JAKMIP2: variants seen among roughly 807,000 people sequenced by gnomAD.
JAKMIP2 encodes janus kinase and microtubule interacting protein 2.
Under a neutral mutation model 115.0 loss-of-function variants are expected in JAKMIP2, and 25 were observed. The ratio of observed to expected loss-of-function variants is 0.22; its 90% confidence interval spans 0.16 to 0.30. The LOEUF (loss-of-function observed/expected upper bound fraction) is 0.30, where lower values mean the gene tolerates loss of function less well. Among genes scored for constraint, JAKMIP2 ranks in the 10% least tolerant of loss-of-function variants. The probability of loss-of-function intolerance (pLI) is 1.00; values close to 1 mark genes in which losing one functional copy is unlikely to be tolerated. For synonymous variants in JAKMIP2, 334 were observed against 343.6 expected (o/e 0.97, Z 0.31); for missense variants, 642 against 957.6 (o/e 0.67, Z 4.35).
chr5:147,628,212 T>C (rs1457090796), intron 16 of JAKMIP2, among the ~76,000 whole-genome samples: 1 of 152,174 alleles, frequency 6.6e-6, no homozygotes, highest in Non-Finnish European at 1.5e-5. Flanking sequence ...TGAGGTACTC[T>C]GAATACACCA....
At chr5:147,615,428 C>T (rs1756522280) in intron 19 of JAKMIP2, among the ~76,000 whole-genome samples, 2 of 151,970 alleles carry the variant, frequency 1.3e-5, no homozygotes, top group African/African-American at 4.8e-5. Context: ...GGATGTTTTG[C>T]ATGAGTGGAG....
intron 1 of JAKMIP2, among the ~76,000 whole-genome samples, chr5:147,720,301 T>G (rs1242513963): frequency 6.6e-6 from 1 of 151,470 alleles, no homozygotes; most frequent in Non-Finnish European, 1.5e-5. Context: ...TCATTTCAAC[T>G]TTGGTGAATC....
chr5:147,762,207 T>A (rs890092155), intron 1 of JAKMIP2, among the ~76,000 whole-genome samples: 2 of 152,138 alleles, frequency 1.3e-5, no homozygotes, highest in African/African-American at 4.8e-5. Flanking sequence ...TCTAGTATAT[T>A]TTTTAGTTAC....
At chr5:147,731,937 G>A in intron 1 of JAKMIP2, among the ~76,000 whole-genome samples, 1 of 152,204 alleles carries the variant, frequency 6.6e-6, no homozygotes, top group East Asian at 1.9e-4. Flanking sequence ...GATGTATCAA[G>A]AATTTGAGCC....
At chr5:147,679,349 A>C (rs2126827707) in intron 1 of JAKMIP2, among the ~76,000 whole-genome samples, 1 of 152,322 alleles carries the variant, frequency 6.6e-6, no homozygotes, top group East Asian at 1.9e-4. Context: ...AAATGTAGCC[A>C]CGTGGTCAAG....
chr5:147,639,894 AG>A, intron 9 of JAKMIP2, 134 bp from the exon 10 acceptor site: 1 of 1,002,514 alleles, frequency 1.0e-6, no homozygotes. Flanking sequence ...TTTTATTTTT[AG>A]CTCTGAAGTG....
intron 1 of JAKMIP2, among the ~76,000 whole-genome samples, chr5:147,753,231 G>A (rs530557256): frequency 2.0e-5 from 3 of 152,264 alleles, no homozygotes; most frequent in African/African-American, 7.2e-5. Flanking sequence ...ATAGTAACCG[G>A]TTACTGAGAA....
chr5:147,647,524 G>A (rs1046172874), intron 5 of JAKMIP2, among the ~76,000 whole-genome samples: 1 of 152,016 alleles, frequency 6.6e-6, no homozygotes, highest in Admixed American at 6.6e-5. Context: ...CAGAAAATGG[G>A]CAAAAGGCTA....
chr5:147,628,864 AC>A, intron 15 of JAKMIP2, 48 bp from the exon 16 acceptor site: 1 of 1,400,650 alleles, frequency 7.1e-7, no homozygotes, highest in Non-Finnish European at 1.0e-6. Flanking sequence ...GACATTATTT[AC>A]CCCAAAGAAA....
chr5:147,748,192 A>C (rs1754419392), intron 1 of JAKMIP2, among the ~76,000 whole-genome samples: 1 of 152,178 alleles, frequency 6.6e-6, no homozygotes, highest in Non-Finnish European at 1.5e-5. Flanking sequence ...GTTTATTGAC[A>C]TTCTGTGTCT....
At chr5:147,629,845 AC>A in intron 14 of JAKMIP2, 99 bp from the exon 15 acceptor site, 1 of 879,148 alleles carries the variant, frequency 1.1e-6, no homozygotes, top group Non-Finnish European at 1.8e-6. Flanking sequence ...TAGGGCCTGA[AC>A]TTCCTTGGGA....
At chr5:147,607,205 A>G (rs1382527473) in intron 20 of JAKMIP2, among the ~76,000 whole-genome samples, 1 of 152,146 alleles carries the variant, frequency 6.6e-6, no homozygotes, top group Non-Finnish European at 1.5e-5. Flanking sequence ...AACTTCCAAT[A>G]CTATGTTGAA....
intron 5 of JAKMIP2, among the ~76,000 whole-genome samples, chr5:147,646,407 C>T (rs1332344838): frequency 6.6e-6 from 1 of 152,068 alleles, no homozygotes; most frequent in Admixed American, 6.6e-5. Flanking sequence ...TAATCTGTCT[C>T]TTCTGAAGGT....
chr5:147,693,491 A>G (rs1302267015), intron 1 of JAKMIP2, among the ~76,000 whole-genome samples: 2 of 152,128 alleles, frequency 1.3e-5, no homozygotes, highest in Admixed American at 6.5e-5. Context: ...TTCCCTTTTC[A>G]TCTTTAAGAA....
intron 1 of JAKMIP2, among the ~76,000 whole-genome samples, chr5:147,692,136 C>G (rs1400602875): frequency 6.6e-6 from 1 of 152,186 alleles, no homozygotes; most frequent in Non-Finnish European, 1.5e-5. Context: ...ATCAAGATGA[C>G]TGATGTCCTT....
At chr5:147,670,707 G>A (rs77181727) in intron 2 of JAKMIP2, among the ~76,000 whole-genome samples, 13,134 of 152,172 alleles carry the variant, frequency 0.086, 689 homozygotes, top group Admixed American at 0.14. Flanking sequence ...ATCCTCATAA[G>A]CACATAATAT....
chr5:147,611,219 G>A (rs1756299165), intron 20 of JAKMIP2, among the ~76,000 whole-genome samples: 1 of 152,142 alleles, frequency 6.6e-6, no homozygotes, highest in Non-Finnish European at 1.5e-5. Flanking sequence ...CATTCCAGGT[G>A]CCACTGGGGT....
intron 1 of JAKMIP2, 24 bp downstream of exon 1, chr5:147,782,432 G>C (rs1163223467): frequency 6.5e-7 from 1 of 1,535,472 alleles, no homozygotes; most frequent in Non-Finnish European, 8.7e-7. Context: ...AACCAAGAAG[G>C]GAGCCCTACT....
rs1754909164 is a variant in JAKMIP2 at position 147,587,217 on chromosome 5, A to G, written c.*4490T>C. The G allele has an allele frequency of 6.6e-6, 1 of 152,206 alleles. No individual in the cohort carries two copies. Among genetic ancestry groups the G allele is most frequent in the Admixed American group, 6.5e-5 (1 of 15,274 alleles). The allele number at this position is 152,206 out of a possible 1,614,324, so 9.4% of individuals were successfully genotyped here. ...GCATAAACTCATGACATAAACAGTCATCTAAGATTTGCTTTGAATGTTTAT... is the reference window on the plus strand; with the variant it reads ...GCATAAACTCATGACATAAACAGTCGTCTAAGATTTGCTTTGAATGTTTAT... On this transcript the variant is annotated 3_prime_UTR_variant, in exon 22 of 22. Coordinates refer to ENST00000616793, the MANE Select transcript of JAKMIP2 (RefSeq NM_001270941.2).
Sources: allele counts gnomAD v4.1 joint callset (sites outside exome capture counted in the v4.1 genomes callset), GRCh38; gene constraint gnomAD v4.1.1; transcripts MANE v1.5; gene names NCBI Gene and HGNC (gene_info 2026-07-23, HGNC 2026-07-21).